The following TRPM3 variants were observed in gnomAD, a reference collection of about 807,000 sequenced individuals.
TRPM3 encodes long transient receptor potential channel 3.
Under a neutral mutation model 181.2 loss-of-function variants are expected in TRPM3, and 77 were observed. The observed-to-expected ratio is 0.42, with a 90% confidence interval of 0.35 to 0.51. The LOEUF is 0.51. TRPM3 is among the 20% of genes least tolerant of loss of function. The probability of loss-of-function intolerance (pLI) is 0.01; values close to 1 mark genes in which losing one functional copy is unlikely to be tolerated. For missense variants in TRPM3, 1,759 were observed against 2,196.7 expected, an observed-to-expected ratio of 0.80 and a Z score of 3.98; for synonymous variants, 745 against 796.4, an observed-to-expected ratio of 0.94 and a Z score of 1.09.
At chr9:71,297,932 C>T (rs186710145) in intron 1 of TRPM3, among the ~76,000 whole-genome samples, 55 of 152,264 alleles carry the variant, frequency 3.6e-4, no homozygotes, top group African/African-American at 1.3e-3. Flanking sequence ...CGGCTCATAG[C>T]TCAGCAGACT....
intron 9 of TRPM3, among the ~76,000 whole-genome samples, chr9:70,642,963 G>T (rs2058287191): frequency 6.6e-6 from 1 of 152,080 alleles, no homozygotes; most frequent in South Asian, 2.1e-4. Flanking sequence ...CAAGAGCTGT[G>T]GTGCTCTGTT....
chr9:70,810,928 A>T (rs916474021), intron 6 of TRPM3, among the ~76,000 whole-genome samples: 3 of 152,150 alleles, frequency 2.0e-5, no homozygotes, highest in Non-Finnish European at 4.4e-5. Context: ...ACCTAAATAA[A>T]TGCTCATTCC....
intron 1 of TRPM3, among the ~76,000 whole-genome samples, chr9:71,397,160 CAAT>C (rs1217112711): frequency 3.3e-5 from 5 of 151,870 alleles, no homozygotes; most frequent in Non-Finnish European, 1.5e-5. Context: ...CATGGTTTTC[CAAT>C]AATAAAATAT....
intron 22 of TRPM3, among the ~76,000 whole-genome samples, chr9:70,571,641 T>C (rs370827870): frequency 9.2e-5 from 14 of 152,280 alleles, no homozygotes; most frequent in African/African-American, 3.1e-4. Context: ...TGTGCCTCAT[T>C]TTCCTTGCCC....
At chr9:70,892,258 G>T (rs2096216645) in intron 1 of TRPM3, among the ~76,000 whole-genome samples, 1 of 152,006 alleles carries the variant, frequency 6.6e-6, no homozygotes, top group African/African-American at 2.4e-5. Flanking sequence ...AGTACCAAAA[G>T]TGAAATGAGT....
chr9:70,960,292 C>A (rs2097124535), intron 1 of TRPM3, among the ~76,000 whole-genome samples: 1 of 152,166 alleles, frequency 6.6e-6, no homozygotes, highest in Non-Finnish European at 1.5e-5. Context: ...CATCTCAGCT[C>A]TGTTGTGAAT....
intron 1 of TRPM3, among the ~76,000 whole-genome samples, chr9:71,305,414 C>T (rs2087192265): frequency 6.6e-6 from 1 of 152,132 alleles, no homozygotes. Context: ...AGGCAGAAAA[C>T]TGCCACATAG....
At chr9:70,745,930 A>G (rs1417808073) in intron 8 of TRPM3, among the ~76,000 whole-genome samples, 1 of 152,228 alleles carries the variant, frequency 6.6e-6, no homozygotes, top group Admixed American at 6.6e-5. Flanking sequence ...AGGAACAAGA[A>G]ACATCTGTGT....
intron 9 of TRPM3, among the ~76,000 whole-genome samples, chr9:70,679,112 T>C (rs907745641): frequency 6.6e-5 from 10 of 152,234 alleles, no homozygotes; most frequent in African/African-American, 2.4e-4. Flanking sequence ...AGGTTATGAC[T>C]CATTAGTAGG....
chr9:70,557,490 T>C (rs1259831936), intron 22 of TRPM3, among the ~76,000 whole-genome samples: 1 of 152,212 alleles, frequency 6.6e-6, no homozygotes, highest in Non-Finnish European at 1.5e-5. Flanking sequence ...GTTACCAACC[T>C]AAAAAGTGCT....
intron 1 of TRPM3, among the ~76,000 whole-genome samples, chr9:70,962,412 T>C (rs1334731521): frequency 1.3e-5 from 2 of 152,160 alleles, no homozygotes; most frequent in Non-Finnish European, 2.9e-5. Context: ...ACTGCCTAAA[T>C]GGAAATCCTA....
intron 8 of TRPM3, among the ~76,000 whole-genome samples, chr9:70,686,987 A>C (rs2067133879): frequency 6.6e-6 from 1 of 151,384 alleles, no homozygotes; most frequent in Non-Finnish European, 1.5e-5. Context: ...TGCCCGGCTA[A>C]TTTTTGTATG....
intron 1 of TRPM3, among the ~76,000 whole-genome samples, chr9:71,332,413 T>TGTGTGTGTG: frequency 8.4e-6 from 1 of 119,212 alleles, no homozygotes; most frequent in Non-Finnish European, 1.8e-5. Flanking sequence ...GTGTGTGTGT[T>TGTGTGTGTG]TCAGCACAGA....
intron 1 of TRPM3, among the ~76,000 whole-genome samples, chr9:71,198,963 G>T (rs1227978990): frequency 8.2e-6 from 1 of 122,122 alleles, no homozygotes; most frequent in Non-Finnish European, 1.8e-5. Flanking sequence ...TTTTCAAAGG[G>T]AATGCTTCCA....
chr9:70,952,646 G>T (rs2097016485), intron 1 of TRPM3, among the ~76,000 whole-genome samples: 1 of 152,150 alleles, frequency 6.6e-6, no homozygotes, highest in African/African-American at 2.4e-5. Context: ...GGGATTGAAG[G>T]AAAGAGCGAA....
rs778777885 is a variant in TRPM3 at position 70,846,548 on chromosome 9, T to C, written c.506A>G (p.His169Arg). The change falls in exon 4 of 26, where the codon CAC becomes CGC. Residue 169 changes from histidine (H) to arginine (R), a missense_variant. This residue lies in a region of TRPM3 where 737 missense variants were observed against 957.4 expected (regional missense o/e 0.77). Coordinates refer to ENST00000677713, the MANE Select transcript of TRPM3 (RefSeq NM_001366145.2). ...SFDTKPDLLL[H>R]LMTKEWQLEL... ...CAACTGCCATTCCTTGGTCATCAGGTGTAAGAGGAGATCAGGTTTTGTATC... is the reference window on the plus strand; with the variant it reads ...CAACTGCCATTCCTTGGTCATCAGGCGTAAGAGGAGATCAGGTTTTGTATC... The C allele has an allele frequency of 4.3e-5, 69 of 1,614,026 alleles. No homozygotes were observed. The highest frequency in any genetic ancestry group is 5.6e-5 in the Non-Finnish European group (66 of 1,180,018).
chr9:70,784,109 C>T lies in TRPM3; in HGVS notation c.1144G>A (p.Gly382Ser). Residue 382 changes from glycine to serine, a missense_variant, in exon 7 of 26, where the codon GGC (glycine) becomes AGC (serine). Coordinates refer to ENST00000677713, the MANE Select transcript of TRPM3 (RefSeq NM_001366145.2). ...GGGGCCTGGAAAGTTACCTACCCGCCTTCTTCTGAGTATTTATGCCCAAAG... is the reference window on the plus strand; with the variant it reads ...GGGGCCTGGAAAGTTACCTACCCGCTTTCTTCTGAGTATTTATGCCCAAAG... ...LAFGHKYSEE[G>S]GLINESLRDQ... is the part of the protein sequence containing the mutation. 6.2e-7 allele frequency: 1 copy of T among 1,612,858 alleles called. No individual in the cohort carries two copies. Among genetic ancestry groups the T allele is most frequent in the Non-Finnish European group, 8.5e-7 (1 of 1,179,340 alleles).
At chr9:71,023,364 AC>A (rs1211331290) in intron 1 of TRPM3, among the ~76,000 whole-genome samples, 1 of 152,196 alleles carries the variant, frequency 6.6e-6, no homozygotes, top group Non-Finnish European at 1.5e-5. Context: ...ATGGAGAAAA[AC>A]CGGGATTCAT....
intron 1 of TRPM3, among the ~76,000 whole-genome samples, chr9:71,032,141 T>C (rs1220453697): frequency 9.3e-6 from 1 of 107,876 alleles, no homozygotes; most frequent in Non-Finnish European, 1.8e-5. Context: ...TAATGGTGGA[T>C]TATATATACT....
Sources: gnomAD v4.1 joint callset for allele counts (sites outside exome capture counted in the v4.1 genomes callset) on GRCh38, gnomAD v4.1.1 for gene constraint, gnomAD v4.1.1 regional missense constraint, MANE v1.5 for transcripts, NCBI Gene and HGNC (gene_info 2026-07-23, HGNC 2026-07-21) for gene names.